CALN1: variants seen among roughly 807,000 people sequenced by gnomAD.
The protein encoded by CALN1 is calneuron 1, also known as calcium-binding protein 8.
A neutral mutation model predicts 30.6 loss-of-function variants in CALN1; 17 were observed. The ratio of observed to expected loss-of-function variants is 0.56; its 90% CI spans 0.38 to 0.83. The LOEUF is 0.83. CALN1 is among the 40% of genes least tolerant of loss of function. CALN1 has a pLI of 0.00. For synonymous variants in CALN1, 156 were observed against 131.4 expected, an observed-to-expected ratio of 1.19 and a Z score of -1.28; for missense variants, 291 against 354.9, an observed-to-expected ratio of 0.82 and a Z score of 1.45.
At chr7:72,022,391 T>C (rs952758001) in intron 5 of CALN1, among the ~76,000 whole-genome samples, 17 of 152,164 alleles carry the variant, frequency 1.1e-4, no homozygotes, top group Non-Finnish European at 1.2e-4. Context: ...AGCCAAATTA[T>C]TATTTTTGTT....
rs115642709 is a variant in CALN1 at position 71,933,295 on chromosome 7, G to A, written c.501+90362C>T. Among the ~76,000 whole-genome samples the A allele has an allele frequency of 6.8e-3, 1,042 of 152,250 alleles. 5 individuals carry two copies. The highest frequency in any genetic ancestry group is 0.023 in the African/African-American group (974 of 41,550). On this transcript the variant is annotated intron_variant, in intron 5 of 6. Coordinates refer to ENST00000395275, the MANE Select transcript of CALN1 (RefSeq NM_031468.4). ...AGGCTTCCCTGCGTGGTACGTAAAT[G>A]TCACACCTGATGGAACCAATCTGTG... is the stretch of plus-strand genomic sequence containing the variant.
chr7:72,102,899 C>G (rs13231587), intron 4 of CALN1, among the ~76,000 whole-genome samples: 2 of 151,530 alleles, frequency 1.3e-5, no homozygotes, highest in Non-Finnish European at 2.9e-5. Context: ...ATGGTGAAAC[C>G]CTGTCTGTAC....
At position 71,885,277 on chromosome 7, in the gene CALN1, G is replaced by A. The variant is rs1007351994; in HGVS notation, c.502-74785C>T. 3.3e-5 allele frequency among the ~76,000 whole-genome samples: 5 copies of A among 152,072 alleles called. No homozygotes were observed. The South Asian group carries it at 6.2e-4, about 19-fold the overall frequency. ...CACCATTCTCTTGCCTCAGCCTCCC[G>A]AGTAGCTGGGACTACAGGCGCCTGC... On this transcript the variant is annotated intron_variant, in intron 5 of 6. Transcript: ENST00000395275.
intron 2 of CALN1, among the ~76,000 whole-genome samples, chr7:72,324,071 C>T (rs1362688137): frequency 6.6e-6 from 1 of 151,826 alleles, no homozygotes; most frequent in Non-Finnish European, 1.5e-5. Context: ...AACAAGATCC[C>T]CTGGTTGGCA....
intron 5 of CALN1, among the ~76,000 whole-genome samples, chr7:71,856,525 A>G (rs1341370788): frequency 2.6e-5 from 4 of 152,208 alleles, no homozygotes; most frequent in Admixed American, 2.6e-4. Flanking sequence ...TTATATGTAT[A>G]TATATGAACA....
rs138835942 is a variant in CALN1, at chr7:72,079,318, C to T, written c.388+26833G>A. 1.7e-3 allele frequency among the ~76,000 whole-genome samples: 253 copies of T among 152,180 alleles called. 1 individual carries two copies. Among genetic ancestry groups the T allele is most frequent in the Admixed American group, 6.3e-3 (96 of 15,276 alleles). ...CCTAGGGTTACTGTGTGGATAACATCGAGTTAAGATATGTAAGAGGAGTCT... is the reference window on the plus strand; with the variant it reads ...CCTAGGGTTACTGTGTGGATAACATTGAGTTAAGATATGTAAGAGGAGTCT... On this transcript the variant is annotated intron_variant, in intron 4 of 6. Coordinates refer to ENST00000395275, the MANE Select transcript of CALN1 (RefSeq NM_031468.4).
At chr7:71,888,682 CGTTTCTAGG>C (rs1437044405) in intron 5 of CALN1, among the ~76,000 whole-genome samples, 1 of 151,852 alleles carries the variant, frequency 6.6e-6, no homozygotes, top group Admixed American at 6.6e-5. Flanking sequence ...GGGAGTTAGT[CGTTTCTAGG>C]GTAGGTCGGT....
intron 2 of CALN1, among the ~76,000 whole-genome samples, chr7:72,346,079 AC>A (rs1278241564): frequency 6.6e-6 from 1 of 152,234 alleles, no homozygotes; most frequent in Non-Finnish European, 1.5e-5. Context: ...AGATAAATTC[AC>A]CGGTGAATAG....
At chr7:72,407,659 T>A (rs1806795796) in intron 1 of CALN1, among the ~76,000 whole-genome samples, 1 of 152,206 alleles carries the variant, frequency 6.6e-6, no homozygotes, top group Non-Finnish European at 1.5e-5. Flanking sequence ...GTGAGCCCAT[T>A]AAACCCCTTT....
Position 72,231,978 on chromosome 7 carries a change from A to G in CALN1, c.244+46708T>C, listed in dbSNP as rs375371579. 3.9e-5 allele frequency among the ~76,000 whole-genome samples: 6 copies of G among 152,346 alleles called. No individual in the cohort carries two copies. In the East Asian group the frequency reaches 1.2e-3, roughly 29 times the overall value. On this transcript the variant is annotated intron_variant, in intron 3 of 6. Transcript: ENST00000395275. ...GCTGTTGTCTTGGACAAGACAGTGCATTGAGAAGGAGCCTGACAGGTGTGA... is the reference window on the plus strand; with the variant it reads ...GCTGTTGTCTTGGACAAGACAGTGCGTTGAGAAGGAGCCTGACAGGTGTGA...
At chr7:72,096,675 T>C (rs186108120) in intron 4 of CALN1, among the ~76,000 whole-genome samples, 20 of 152,280 alleles carry the variant, frequency 1.3e-4, no homozygotes, top group Non-Finnish European at 2.8e-4. Context: ...AGTAGTGTGG[T>C]TGTGGAGAAA....
intron 4 of CALN1, among the ~76,000 whole-genome samples, chr7:72,057,095 C>G (rs549676951): frequency 7.7e-4 from 96 of 124,978 alleles, no homozygotes; most frequent in African/African-American, 2.8e-3. Context: ...CACATGCCAC[C>G]AAGCCCACCT....
chr7:72,299,280 G>C (rs1435441768), intron 2 of CALN1, among the ~76,000 whole-genome samples: 1 of 151,922 alleles, frequency 6.6e-6, no homozygotes, highest in Non-Finnish European at 1.5e-5. Context: ...CATGAAACAA[G>C]GAAAAAGACA....
intron 3 of CALN1, among the ~76,000 whole-genome samples, chr7:72,183,955 G>C (rs1789998373): frequency 6.6e-6 from 1 of 151,970 alleles, no homozygotes. Context: ...GCAGGAGTAG[G>C]GGGAAATGAT....
chr7:71,922,723 TAACA>T (rs1584517803), intron 5 of CALN1, among the ~76,000 whole-genome samples: 1 of 137,880 alleles, frequency 7.3e-6, no homozygotes, highest in East Asian at 2.0e-4. Flanking sequence ...TATAAATATA[TAACA>T]TACAGAATAT....
Position 71,882,068 on chromosome 7 carries a change from TA to T in CALN1, c.502-71577del, listed in dbSNP as rs1017518348. On this transcript the variant is annotated intron_variant, in intron 5 of 6. Coordinates refer to ENST00000395275, the MANE Select transcript of CALN1 (RefSeq NM_031468.4). ...CCTGACAGAGTCAGACCCTGTCTCT[TA>T]AAAAAAAAATTGGAGGTTAGAAGTA... Among the ~76,000 whole-genome samples, 26 of 149,398 alleles carry T rather than the reference TA, an allele frequency of 1.7e-4. No homozygotes were observed. In the East Asian group the frequency reaches 4.1e-3, roughly 24 times the overall value.
chr7:72,061,796 C>CAAAAA (rs1161510912), intron 4 of CALN1, among the ~76,000 whole-genome samples: 2 of 85,126 alleles, frequency 2.3e-5, no homozygotes, highest in African/African-American at 4.8e-5. Flanking sequence ...GACTCTGTCT[C>CAAAAA]AAAAAAAAAA....
intron 2 of CALN1, among the ~76,000 whole-genome samples, chr7:72,304,046 A>G (rs953423303): frequency 2.0e-5 from 3 of 152,228 alleles, no homozygotes; most frequent in Non-Finnish European, 4.4e-5. Flanking sequence ...CTGCCACTCT[A>G]AGAGTCAGTA....
At chr7:72,324,136 G>A (rs1055460767) in intron 2 of CALN1, among the ~76,000 whole-genome samples, 8 of 152,080 alleles carry the variant, frequency 5.3e-5, no homozygotes, top group African/African-American at 1.2e-4. Flanking sequence ...TGGCTGTACA[G>A]TGGAATCACC....
Sources: gnomAD v4.1 joint callset for allele counts (sites outside exome capture counted in the v4.1 genomes callset) on GRCh38, gnomAD v4.1.1 for gene constraint, MANE v1.5 for transcripts, NCBI Gene and HGNC (gene_info 2026-07-23, HGNC 2026-07-21) for gene names.